Variants in KHDRBS2 observed in about 807,000 individuals in gnomAD.
KHDRBS2 encodes the protein KH RNA binding domain containing, signal transduction associated 2, also known as KH domain-containing, RNA-binding, signal transduction-associated protein 2.
Under a neutral mutation model 44.3 loss-of-function variants are expected in KHDRBS2, and 26 were observed. The ratio of observed to expected loss-of-function variants is 0.59; its 90% CI spans 0.43 to 0.81. KHDRBS2 has a LOEUF of 0.81. Among genes scored for constraint, KHDRBS2 ranks in the 40% least tolerant of loss-of-function variants. KHDRBS2 has a pLI of 0.00. For synonymous variants in KHDRBS2, 194 were observed against 151.1 expected, an observed-to-expected ratio of 1.28 and a Z score of -2.08; for missense variants, 476 against 433.1, an observed-to-expected ratio of 1.10 and a Z score of -0.88.
chr6:62,047,268 G>A (rs1787918125), intron 3 of KHDRBS2, among the ~76,000 whole-genome samples: 1 of 151,848 alleles, frequency 6.6e-6, no homozygotes, highest in South Asian at 2.1e-4. Flanking sequence ...TGAGAAAATT[G>A]CTAACACTTT....
intron 6 of KHDRBS2, among the ~76,000 whole-genome samples, chr6:61,803,242 C>G (rs1239413674): frequency 6.6e-6 from 1 of 152,082 alleles, no homozygotes; most frequent in Non-Finnish European, 1.5e-5. Flanking sequence ...AATTACTTTG[C>G]AGGCAGTACT....
intron 7 of KHDRBS2, among the ~76,000 whole-genome samples, chr6:61,700,441 AATAATGGAAG>A (rs890927405): frequency 6.7e-6 from 1 of 150,168 alleles, no homozygotes; most frequent in African/African-American, 2.5e-5. Flanking sequence ...ATATTTGTAA[AATAATGGAAG>A]ATAATGGAAA....
intron 6 of KHDRBS2, among the ~76,000 whole-genome samples, chr6:61,850,548 T>C (rs1219817067): frequency 6.6e-6 from 1 of 152,216 alleles, no homozygotes; most frequent in Non-Finnish European, 1.5e-5. Flanking sequence ...CTGAAGAGCC[T>C]ATTTAAAATA....
chr6:61,938,034 C>T (rs759658734), intron 4 of KHDRBS2, among the ~76,000 whole-genome samples: 48 of 151,982 alleles, frequency 3.2e-4, no homozygotes, highest in Admixed American at 7.9e-4. Context: ...CTCCAGGACA[C>T]CTTCTACAGC....
In KHDRBS2 at chr6:62,119,083, T is replaced by C. The variant is rs115053492; in HGVS notation, c.219+58102A>G. ...GTTCTAGAGGAAGAGAATTCAAAGA[T>C]AGATTTCTTTAGTTGGTTTTGGGGT... On this transcript the variant is annotated intron_variant, in intron 2 of 8. Coordinates refer to ENST00000281156, the MANE Select transcript of KHDRBS2 (RefSeq NM_152688.4). Among the ~76,000 whole-genome samples, 264 of 152,290 alleles carry C rather than the reference T, an allele frequency of 1.7e-3. 1 individual carries two copies. The highest frequency in any genetic ancestry group is 6.2e-3 in the African/African-American group (256 of 41,572).
intron 6 of KHDRBS2, among the ~76,000 whole-genome samples, chr6:61,800,288 A>G (rs1786051765): frequency 6.6e-6 from 1 of 152,080 alleles, no homozygotes. Flanking sequence ...TACATAGTGT[A>G]TTGTTAGAAT....
chr6:61,802,632 CCCTAAGTA>C (rs1452857897), intron 6 of KHDRBS2, among the ~76,000 whole-genome samples: 1 of 152,108 alleles, frequency 6.6e-6, no homozygotes, highest in Non-Finnish European at 1.5e-5. Context: ...GCTCCCATGT[CCCTAAGTA>C]CCTAAGGCAA....
At chr6:61,558,695 A>ATTT in the KHDRBS2 span, among the ~76,000 whole-genome samples, 2 of 152,130 alleles carry the variant, frequency 1.3e-5, no homozygotes, top group Non-Finnish European at 2.9e-5. Context: ...TCAGGAGTAT[A>ATTT]TTTTTAATTT....
At chr6:62,067,639 G>A (rs181107184) in intron 2 of KHDRBS2, among the ~76,000 whole-genome samples, 5 of 151,436 alleles carry the variant, frequency 3.3e-5, no homozygotes, top group Admixed American at 2.0e-4. Context: ...AATTTTTTAC[G>A]TATGTTCACA....
At chr6:61,755,347 G>A (rs1778331874) in intron 6 of KHDRBS2, among the ~76,000 whole-genome samples, 1 of 151,940 alleles carries the variant, frequency 6.6e-6, no homozygotes. Context: ...CTAGTTTGGG[G>A]AACCACTGCC....
chr6:62,105,267 C>A (rs1251181340), intron 2 of KHDRBS2, among the ~76,000 whole-genome samples: 1 of 152,194 alleles, frequency 6.6e-6, no homozygotes, highest in African/African-American at 2.4e-5. Flanking sequence ...ACACCCATCT[C>A]ATTCAAACAG....
intron 3 of KHDRBS2, among the ~76,000 whole-genome samples, chr6:62,019,642 T>C (rs1198020437): frequency 2.6e-5 from 4 of 152,122 alleles, no homozygotes; most frequent in Non-Finnish European, 5.9e-5. Flanking sequence ...GTCAGACTAT[T>C]TCTTCTTAAA....
Position 61,884,596 on chromosome 6 carries a change from T to C in KHDRBS2, c.810+10039A>G, listed in dbSNP as rs117250754. ...GAGTGCTTACATAAGCAGATTTTTATGTTGTCAGCGTGTCTCCACAGGGTG... is the reference window on the plus strand; with the variant it reads ...GAGTGCTTACATAAGCAGATTTTTACGTTGTCAGCGTGTCTCCACAGGGTG... On this transcript the variant is annotated intron_variant, in intron 6 of 8. Coordinates refer to ENST00000281156, the MANE Select transcript of KHDRBS2 (RefSeq NM_152688.4). Among the ~76,000 whole-genome samples the C allele has an allele frequency of 2.4e-3, 363 of 152,160 alleles. 17 individuals are homozygous for C. In the East Asian group the frequency reaches 0.063, roughly 27 times the overall value.
At chr6:62,212,021 C>A (rs1326981766) in intron 1 of KHDRBS2, among the ~76,000 whole-genome samples, 1 of 152,098 alleles carries the variant, frequency 6.6e-6, no homozygotes, top group Non-Finnish European at 1.5e-5. Flanking sequence ...ATGGATGGAG[C>A]TGGAGGCCAT....
intron 1 of KHDRBS2, among the ~76,000 whole-genome samples, chr6:62,201,439 T>C (rs1007741710): frequency 6.6e-6 from 1 of 152,094 alleles, no homozygotes; most frequent in African/African-American, 2.4e-5. Context: ...TATTAAAATA[T>C]CCAAAGTATT....
chr6:62,008,850 C>T (rs1779768323), intron 3 of KHDRBS2, among the ~76,000 whole-genome samples: 1 of 152,182 alleles, frequency 6.6e-6, no homozygotes, highest in Admixed American at 6.5e-5. Context: ...GATTGTGAGG[C>T]CTCCCCAGCC....
chr6:61,770,760 C>T (rs1780746371), intron 6 of KHDRBS2, among the ~76,000 whole-genome samples: 2 of 152,326 alleles, frequency 1.3e-5, no homozygotes, highest in African/African-American at 2.4e-5. Context: ...GGAAACCACT[C>T]TGCAGGATAT....
chr6:62,163,176 T>G (rs1198283109), intron 2 of KHDRBS2, among the ~76,000 whole-genome samples: 1 of 151,894 alleles, frequency 6.6e-6, no homozygotes, highest in East Asian at 1.9e-4. Context: ...ATACAAGCAG[T>G]TTTGCAACAG....
chr6:61,561,091 A>C, the KHDRBS2 span, among the ~76,000 whole-genome samples: 68 of 152,178 alleles, frequency 4.5e-4, no homozygotes, highest in East Asian at 0.013. Flanking sequence ...AAGAAGTCTC[A>C]CCATGGCAGC....
Sources: gnomAD v4.1 joint callset for allele counts (sites outside exome capture counted in the v4.1 genomes callset) on GRCh38, gnomAD v4.1.1 for gene constraint, MANE v1.5 for transcripts, NCBI Gene and HGNC (gene_info 2026-07-23, HGNC 2026-07-21) for gene names.